The following PTRH1 variants were observed in gnomAD, a reference collection of about 807,000 sequenced individuals.
The protein encoded by PTRH1 is peptidyl-tRNA hydrolase 1 homolog.
Under a neutral mutation model 15.7 loss-of-function variants are expected in PTRH1, and 13 were observed. The ratio of observed to expected loss-of-function variants is 0.83; its 90% CI spans 0.54 to 1.31. PTRH1 has a LOEUF of 1.31. Ranked by LOEUF, PTRH1 falls within the 40% of genes most tolerant of loss-of-function variation. PTRH1 has a pLI of 0.00. For synonymous variants in PTRH1, 139 were observed against 136.7 expected (o/e 1.02, Z -0.12); for missense variants, 319 against 296.2 (o/e 1.08, Z -0.56).
downstream of PTRH1, chr9:127,711,846 C>G: frequency 6.4e-7 from 1 of 1,574,456 alleles, no homozygotes; most frequent in Non-Finnish European, 8.6e-7. Context: ...CTAAGAAGTG[C>G]CAGGAGCAGC....
intron 1 of PTRH1, among the ~76,000 whole-genome samples, chr9:127,708,496 T>A (rs113712566): frequency 0.038 from 5,786 of 152,172 alleles, 369 homozygotes; most frequent in African/African-American, 0.13. Flanking sequence ...TTAATTAATT[T>A]AATTTAATTA....
chr9:127,695,719 C>T (rs1319424449), intron 1 of PTRH1: 1 of 138,926 alleles, frequency 7.2e-6, no homozygotes, highest in African/African-American at 3.5e-5. Context: ...TTCCCCCGAC[C>T]CCTTCTTTTA....
At chr9:127,709,478 T>C (rs1364603216), downstream of PTRH1, 2 of 1,613,990 alleles carry the variant, frequency 1.2e-6, no homozygotes, top group East Asian at 2.2e-5. The surrounding 1 kb of genome is among the most constrained non-coding windows in gnomAD (Gnocchi z 4.7). Flanking sequence ...CGCCAGGAGT[T>C]TGAGCAGCTG....
rs1050116622 is a variant in PTRH1, at chr9:127,705,144, G to C, written c.206-10003C>G. ...AGAGGTGACAGTGCCCCAGGCCACT[G>C]TCCACTGTCCTTGGCCGGTGCTGCA... is the stretch of plus-strand genomic sequence containing the variant. On this transcript the variant is annotated intron_variant, in intron 1 of 2. Coordinates refer to the PTRH1 transcript ENST00000335223. The surrounding 1 kb of genome is among the most constrained non-coding windows in gnomAD (Gnocchi z 4.7). Among the ~76,000 whole-genome samples, 2 of 152,102 alleles carry C rather than the reference G, an allele frequency of 1.3e-5. No homozygotes were observed. Among genetic ancestry groups the C allele is most frequent in the Non-Finnish European group, 2.9e-5 (2 of 68,016 alleles).
At chr9:127,702,364 T>C (rs1170947927) in intron 1 of PTRH1, among the ~76,000 whole-genome samples, 4 of 147,270 alleles carry the variant, frequency 2.7e-5, no homozygotes, top group South Asian at 4.3e-4. Context: ...CAGAGCAAGA[T>C]TCCGTCTCCA....
downstream of PTRH1, chr9:127,709,471 CA>C: frequency 1.9e-6 from 3 of 1,614,016 alleles, no homozygotes; most frequent in South Asian, 2.2e-5. This position sits in a 1 kb window ranked among gnomAD's most constrained non-coding sequence, Gnocchi z 4.7. Context: ...GATGTTCCGC[CA>C]GGAGTTTGAG....
downstream of PTRH1, chr9:127,710,510 G>A: frequency 2.7e-6 from 4 of 1,468,704 alleles, no homozygotes; most frequent in South Asian, 2.6e-5. Flanking sequence ...CACAGGAAGG[G>A]ACAGGGACCT....
chr9:127,712,252 A>G, downstream of PTRH1: 1 of 1,613,914 alleles, frequency 6.2e-7, no homozygotes, highest in South Asian at 1.1e-5. Flanking sequence ...GTGGATTTGC[A>G]GCGGCTACAG....
In PTRH1 at chr9:127,714,573, A is replaced by C. The variant is rs79364051; in HGVS notation, c.416+30T>G. ...CCCCAACTGGGAGGCCTGAAGCCCTATCCCAACCCTGACCATCTCAGGACC... is the reference window on the plus strand; with the variant it reads ...CCCCAACTGGGAGGCCTGAAGCCCTCTCCCAACCCTGACCATCTCAGGACC... On this transcript the variant is annotated intron_variant, in intron 3 of 4. Coordinates refer to ENST00000543175, the MANE Select transcript of PTRH1 (RefSeq NM_001002913.3). 2,142 of 1,607,986 alleles carry C rather than the reference A, an allele frequency of 1.3e-3. 23 individuals carry two copies. In the African/African-American group the frequency reaches 0.026, roughly 19 times the overall value.
downstream of PTRH1, chr9:127,711,596 G>A (rs1842766440): frequency 3.4e-6 from 5 of 1,452,870 alleles, no homozygotes; most frequent in Middle Eastern, 2.4e-4. Flanking sequence ...AAGTCAGGAG[G>A]GAGGGAGGCA....
chr9:127,712,879 A>C (rs1189425745), downstream of PTRH1: 4 of 1,608,430 alleles, frequency 2.5e-6, no homozygotes, highest in South Asian at 4.4e-5. Context: ...AGGAGAGGTA[A>C]GCAAGTGGCC....
chr9:127,706,449 G>A (rs781134041), intron 1 of PTRH1, among the ~76,000 whole-genome samples: 67 of 152,324 alleles, frequency 4.4e-4, no homozygotes, highest in Non-Finnish European at 1.6e-4. Context: ...TGACAGGGAT[G>A]GAAAGGACCT....
At chr9:127,709,275 A>G (rs1243120433), downstream of PTRH1, 2 of 754,288 alleles carry the variant, frequency 2.7e-6, no homozygotes, top group Non-Finnish European at 4.3e-6. This position sits in a 1 kb window ranked among gnomAD's most constrained non-coding sequence, Gnocchi z 4.7. Context: ...ACCAAGGGGC[A>G]TAGTGGGAGA....
downstream of PTRH1, among the ~76,000 whole-genome samples, chr9:127,709,859 G>A (rs948320425): frequency 1.3e-5 from 2 of 152,174 alleles, no homozygotes; most frequent in Non-Finnish European, 2.9e-5. The surrounding 1 kb of genome is among the most constrained non-coding windows in gnomAD (Gnocchi z 4.7). Context: ...CCCCCAACCA[G>A]TTTGTAGACA....
At chr9:127,699,340 C>T (rs75338436) in intron 1 of PTRH1, among the ~76,000 whole-genome samples, 91 of 152,324 alleles carry the variant, frequency 6.0e-4, no homozygotes, top group Admixed American at 1.2e-3. Context: ...CACTCGAGGC[C>T]GAAACACTGT....
intron 1 of PTRH1, among the ~76,000 whole-genome samples, chr9:127,702,727 CT>C (rs1842613323): frequency 7.0e-6 from 1 of 141,866 alleles, no homozygotes; most frequent in Admixed American, 7.1e-5. Flanking sequence ...TTTTTTTTTT[CT>C]TGAGAGAGTG....
chr9:127,712,945 G>A (rs1842801654), downstream of PTRH1: 17 of 1,590,008 alleles, frequency 1.1e-5, 1 homozygote, highest in South Asian at 1.7e-4. Context: ...CAGCCATGGG[G>A]ACAGTGCTCG....
At position 127,715,626 on chromosome 9, in the gene PTRH1, C is replaced by T. The variant is rs557856733; in HGVS notation, c.14G>A (p.Gly5Asp). ...CAGCCGCTGTCCGGCGCCCAAAAAG[C>T]CGCCCGGCCTCATGCTGCCCCCATT... MRPG[G>D]FLGAGQRLSR... Residue 5 changes from glycine to aspartate, a missense_variant, in exon 1 of 5, where the codon GGC becomes GAC. Physicochemically the swap from Gly to Asp is moderately conservative, Grantham distance 94. Transcript: ENST00000543175. This position sits in a 1 kb window ranked among gnomAD's most constrained non-coding sequence, Gnocchi z 5.8. The T allele has an allele frequency of 2.5e-6, 4 of 1,612,438 alleles. No individual in the cohort carries two copies. In the East Asian group the frequency reaches 6.7e-5, roughly 27 times the overall value.
downstream of PTRH1, chr9:127,711,296 C>T (rs1044007610): frequency 6.8e-6 from 11 of 1,614,146 alleles, no homozygotes; most frequent in Admixed American, 1.0e-4. Flanking sequence ...GACCACGAAC[C>T]GGATGTGGGA....
Sources: allele counts gnomAD v4.1 joint callset (sites outside exome capture counted in the v4.1 genomes callset), GRCh38; gene constraint gnomAD v4.1.1; non-coding constraint Gnocchi (gnomAD v3.1); transcripts MANE v1.5; gene names NCBI Gene and HGNC (gene_info 2026-07-23, HGNC 2026-07-21).